ASH2L: variants seen among roughly 807,000 people sequenced by gnomAD.
ASH2L encodes the protein ASH2 like, histone lysine methyltransferase complex subunit, also known as set1/Ash2 histone methyltransferase complex subunit ASH2.
A neutral mutation model predicts 81.1 loss-of-function variants in ASH2L; 30 were observed. That is an observed-to-expected ratio of 0.37 (90% confidence interval 0.28 to 0.50). The LOEUF is 0.50. ASH2L is among the 20% of genes least tolerant of loss of function. The probability of loss-of-function intolerance (pLI) is 0.95; values close to 1 mark genes in which losing one functional copy is unlikely to be tolerated. For missense variants in ASH2L, 559 were observed against 792.1 expected (o/e 0.71, Z 3.53); for synonymous variants, 273 against 279.9 (o/e 0.98, Z 0.24).
At chr8:38,109,164 T>TA (rs2130474743) in intron 3 of ASH2L, among the ~76,000 whole-genome samples, 1 of 152,316 alleles carries the variant, frequency 6.6e-6, no homozygotes, top group Non-Finnish European at 1.5e-5. Flanking sequence ...TAGCAGGGTA[T>TA]AAAAAAGGCT....
At chr8:38,121,303 G>T (rs1811132802) in intron 10 of ASH2L, among the ~76,000 whole-genome samples, 154 bp downstream of exon 10, 1 of 140,144 alleles carries the variant, frequency 7.1e-6, no homozygotes, top group African/African-American at 2.7e-5. Flanking sequence ...AAGAAATTCT[G>T]TTCCTTCCTA....
At chr8:38,118,896 G>A (rs915165473) in intron 8 of ASH2L, among the ~76,000 whole-genome samples, 2 of 152,170 alleles carry the variant, frequency 1.3e-5, no homozygotes, top group African/African-American at 2.4e-5. Context: ...GAAAAAAAAT[G>A]TGCCCATACA....
At chr8:38,114,883 G>T (rs766165843) in intron 6 of ASH2L, 22 bp from the exon 7 acceptor site, 5 of 1,476,942 alleles carry the variant, frequency 3.4e-6, no homozygotes, top group Non-Finnish European at 4.7e-6. Context: ...TTCATTAATA[G>T]TAAAACACTA....
At chr8:38,107,286 C>A in intron 3 of ASH2L, 120 bp downstream of exon 3, 2 of 1,265,434 alleles carry the variant, frequency 1.6e-6, no homozygotes, top group Non-Finnish European at 2.2e-6. Context: ...AACCCCTATT[C>A]AGCAAGTAGG....
chr8:38,131,444 G>A (rs552719350), intron 12 of ASH2L, among the ~76,000 whole-genome samples: 1 of 151,966 alleles, frequency 6.6e-6, no homozygotes, highest in Non-Finnish European at 1.5e-5. Flanking sequence ...AGGAGCTCGA[G>A]GCCAGCCTGG....
intron 10 of ASH2L, 100 bp from the exon 11 acceptor site, chr8:38,128,191 G>A (rs1801929741): frequency 3.6e-6 from 5 of 1,407,024 alleles, no homozygotes; most frequent in African/African-American, 2.9e-5. Flanking sequence ...CCTGATATTT[G>A]TGATTTTTAA....
chr8:38,127,251 TGAGGCCAC>T (rs1443650055), intron 10 of ASH2L, among the ~76,000 whole-genome samples: 2 of 150,570 alleles, frequency 1.3e-5, no homozygotes, highest in African/African-American at 2.5e-5. Flanking sequence ...GAAGATCGCC[TGAGGCCAC>T]GAGTTCAAGG....
intron 14 of ASH2L, chr8:38,138,288 TAAAAAG>T (rs1802349059): frequency 2.0e-5 from 3 of 153,342 alleles, no homozygotes; most frequent in Admixed American, 1.9e-4. Context: ...TCAAAAAAAA[TAAAAAG>T]TAAAATAAAG....
intron 10 of ASH2L, among the ~76,000 whole-genome samples, chr8:38,125,587 G>A (rs1475804420): frequency 6.9e-6 from 1 of 144,692 alleles, no homozygotes; most frequent in African/African-American, 2.6e-5. Context: ...CAGCCTGGGC[G>A]ACAAGAGTGA....
intron 8 of ASH2L, chr8:38,117,405 A>G (rs1335401503): frequency 1.0e-6 from 1 of 977,636 alleles, no homozygotes; most frequent in Non-Finnish European, 1.2e-6. Flanking sequence ...TTCCCGTTTT[A>G]ATTGTTAAAA....
chr8:38,134,961 GAAGTGAGAACTGACTCGGGGA>G (rs1221909517), intron 13 of ASH2L, among the ~76,000 whole-genome samples: 2 of 151,900 alleles, frequency 1.3e-5, no homozygotes, highest in South Asian at 4.2e-4. Context: ...TGAAAAAGCA[GAAGTGAGAACTGACTCGGGGA>G]AAGGAATTGA....
At chr8:38,107,868 ATGTGTGTGTGTGTGTGTGTGTGTG>A (rs10542885) in intron 3 of ASH2L, among the ~76,000 whole-genome samples, 4 of 141,394 alleles carry the variant, frequency 2.8e-5, no homozygotes, top group Non-Finnish European at 6.2e-5. Flanking sequence ...AAATACATAT[ATGTGTGTGTGTGTGTGTGTGTGTG>A]TGTGTGTGTG....
chr8:38,128,847 C>CACT lies in ASH2L; in HGVS notation c.1427_1429dup (p.Tyr476dup), dbSNP rs1801953659. 1 of 1,614,046 alleles carries CACT rather than the reference C, an allele frequency of 6.2e-7. No individual in the cohort carries two copies. The highest frequency in any genetic ancestry group is 8.5e-7 in the Non-Finnish European group (1 of 1,180,046). The stretch of plus-strand genomic sequence containing the variant: ...CAAGTTCCACCAGTCCATTGGCAAA[C>CACT]ACTACTCTTCTGGCTATGGACAGGG... On this transcript the variant is annotated inframe_insertion, in exon 12 of 16. Coordinates refer to ENST00000343823, the MANE Select transcript of ASH2L (RefSeq NM_004674.5).
intron 10 of ASH2L, 133 bp from the exon 11 acceptor site, chr8:38,128,158 C>CA: frequency 9.4e-7 from 1 of 1,061,932 alleles, no homozygotes; most frequent in African/African-American, 1.6e-5. Context: ...TTAAACTCCT[C>CA]AACTAATATT....
intron 13 of ASH2L, among the ~76,000 whole-genome samples, 195 bp downstream of exon 13, chr8:38,133,741 G>C (rs977312219): frequency 6.6e-6 from 1 of 152,172 alleles, no homozygotes. Context: ...TGCTGTTAGA[G>C]ACATGATCCT....
chr8:38,121,479 T>C (rs1328378304), intron 10 of ASH2L, among the ~76,000 whole-genome samples: 1 of 151,450 alleles, frequency 6.6e-6, no homozygotes, highest in African/African-American at 2.4e-5. Flanking sequence ...TGATAATATC[T>C]TAGAAAACCA....
intron 3 of ASH2L, 36 bp downstream of exon 3, chr8:38,107,202 G>T: frequency 6.2e-7 from 1 of 1,609,154 alleles, no homozygotes; most frequent in Non-Finnish European, 8.5e-7. Context: ...AGAATTGCTC[G>T]GTAAAATAAA....
At chr8:38,110,696 G>T (rs373061358) in intron 4 of ASH2L, 43 bp from the exon 5 acceptor site, 1 of 1,470,612 alleles carries the variant, frequency 6.8e-7, no homozygotes, top group South Asian at 1.2e-5. Flanking sequence ...TAGTAGAGAT[G>T]TAGTACTACA....
intron 8 of ASH2L, among the ~76,000 whole-genome samples, chr8:38,118,401 G>A (rs988062943): frequency 3.3e-5 from 5 of 152,152 alleles, no homozygotes; most frequent in African/African-American, 1.2e-4. Flanking sequence ...ATTTGAACTG[G>A]ACAAAAATTT....
Sources: allele counts gnomAD v4.1 joint callset (sites outside exome capture counted in the v4.1 genomes callset), GRCh38; gene constraint gnomAD v4.1.1; transcripts MANE v1.5; gene names NCBI Gene and HGNC (gene_info 2026-07-23, HGNC 2026-07-21).